The following CTNNBL1 variants were observed in gnomAD, a reference collection of about 807,000 sequenced individuals.
CTNNBL1 encodes beta-catenin-like protein 1.
Under a neutral mutation model 72.7 loss-of-function variants are expected in CTNNBL1, and 31 were observed. The ratio of observed to expected loss-of-function variants is 0.43; its 90% CI spans 0.32 to 0.58. The LOEUF is 0.58. Among genes scored for constraint, CTNNBL1 ranks in the 20% least tolerant of loss-of-function variants. CTNNBL1 has a pLI of 0.08. For missense variants in CTNNBL1, 534 were observed against 725.1 expected (o/e 0.74, Z 3.03); for synonymous variants, 240 against 267.3 (o/e 0.90, Z 1.00).
intron 1 of CTNNBL1, among the ~76,000 whole-genome samples, chr20:37,694,740 A>G (rs544029502): frequency 6.6e-6 from 1 of 152,340 alleles, no homozygotes; most frequent in Admixed American, 6.5e-5. Flanking sequence ...TGGGAATTCT[A>G]GCATGGAATG....
intron 10 of CTNNBL1, among the ~76,000 whole-genome samples, chr20:37,780,032 G>A (rs1463846013): frequency 2.0e-5 from 3 of 151,542 alleles, no homozygotes; most frequent in East Asian, 3.9e-4. Context: ...GAAGGCTGAG[G>A]GGATAACCAG....
intron 13 of CTNNBL1, among the ~76,000 whole-genome samples, chr20:37,852,253 C>T (rs2206135): frequency 0.36 from 55,277 of 152,064 alleles, 10,362 homozygotes; most frequent in South Asian, 0.43. Flanking sequence ...GAAATATTTA[C>T]GACACTTAAG....
intron 11 of CTNNBL1, among the ~76,000 whole-genome samples, chr20:37,809,274 G>T (rs2071988626): frequency 6.6e-6 from 1 of 152,188 alleles, no homozygotes. Context: ...GGGAACACAA[G>T]AACAGAAATG....
intron 1 of CTNNBL1, among the ~76,000 whole-genome samples, chr20:37,720,984 G>A (rs2073035743): frequency 6.6e-6 from 1 of 152,200 alleles, no homozygotes; most frequent in Non-Finnish European, 1.5e-5. Context: ...GACTCTCAAG[G>A]GAGGTGACAT....
chr20:37,829,977 G>A (rs375551048), intron 11 of CTNNBL1, among the ~76,000 whole-genome samples: 12 of 152,190 alleles, frequency 7.9e-5, no homozygotes, highest in East Asian at 5.8e-4. Context: ...GATCACAGGA[G>A]CGTACCACCA....
intron 4 of CTNNBL1, among the ~76,000 whole-genome samples, chr20:37,755,573 G>A (rs927459547): frequency 2.6e-5 from 4 of 152,146 alleles, no homozygotes; most frequent in South Asian, 2.1e-4. Flanking sequence ...TTAATTATTC[G>A]TGATGGTCAG....
chr20:37,719,432 C>T (rs4811030), intron 1 of CTNNBL1, among the ~76,000 whole-genome samples: 121,454 of 152,160 alleles, frequency 0.8, 49,207 homozygotes, highest in African/African-American at 0.95. Context: ...AACCGGAAGG[C>T]TCAATAATCC....
rs753192484 is a variant in CTNNBL1, at chr20:37,802,823, A to G, written c.1032-44A>G. ...CCCTTTTTTTTTTTTAAGCTCTATAATTTCCCCATGAAATACCTTATCTGA... is the reference window on the plus strand; with the variant it reads ...CCCTTTTTTTTTTTTAAGCTCTATAGTTTCCCCATGAAATACCTTATCTGA... On this transcript the variant is annotated intron_variant, in intron 10 of 15. Coordinates refer to ENST00000361383, the MANE Select transcript of CTNNBL1 (RefSeq NM_030877.5). 3.9e-5 allele frequency: 59 copies of G among 1,504,844 alleles called. No homozygotes were observed. In the Admixed American group the frequency reaches 9.7e-4, roughly 25 times the overall value. The allele number at this position is 1,504,844 out of a possible 1,614,324, so 93.2% of individuals were successfully genotyped here.
chr20:37,756,279 C>T (rs1185947767), intron 4 of CTNNBL1: 1 of 152,180 alleles, frequency 6.6e-6, no homozygotes, highest in Non-Finnish European at 1.5e-5. Context: ...ATCTATCTTT[C>T]TCATTTTACA....
intron 10 of CTNNBL1, among the ~76,000 whole-genome samples, chr20:37,802,048 C>A (rs970325931): frequency 6.6e-6 from 1 of 152,086 alleles, no homozygotes; most frequent in Non-Finnish European, 1.5e-5. Context: ...AGTGAGCAAT[C>A]CAAAAATGAA....
At chr20:37,803,195 GA>G in intron 11 of CTNNBL1, 147 bp downstream of exon 11, 2 of 711,716 alleles carry the variant, frequency 2.8e-6, no homozygotes, top group Non-Finnish European at 4.5e-6. Flanking sequence ...TTTCATGAAT[GA>G]AAAAGAGACC....
chr20:37,748,253 A>C (rs1555823982), intron 4 of CTNNBL1, among the ~76,000 whole-genome samples: 2 of 152,254 alleles, frequency 1.3e-5, no homozygotes, highest in Non-Finnish European at 2.9e-5. Context: ...TAAATCAGTG[A>C]GTAATTTTAA....
chr20:37,865,249 G>C (rs1395080806), intron 15 of CTNNBL1, among the ~76,000 whole-genome samples: 1 of 152,178 alleles, frequency 6.6e-6, no homozygotes. Flanking sequence ...TGAGGTGACT[G>C]ACCATAGCGC....
At chr20:37,814,836 T>C (rs1354507954) in intron 11 of CTNNBL1, among the ~76,000 whole-genome samples, 1 of 152,222 alleles carries the variant, frequency 6.6e-6, no homozygotes, top group Non-Finnish European at 1.5e-5. Context: ...AAGCAGCCCT[T>C]TTACTTTCTC....
At chr20:37,806,290 A>G (rs2071959922) in intron 11 of CTNNBL1, among the ~76,000 whole-genome samples, 1 of 152,212 alleles carries the variant, frequency 6.6e-6, no homozygotes, top group Non-Finnish European at 1.5e-5. Flanking sequence ...TCGCCAGTCC[A>G]GAAGCTCTAG....
chr20:37,866,854 C>G (rs1438115591), intron 15 of CTNNBL1, among the ~76,000 whole-genome samples: 1 of 152,186 alleles, frequency 6.6e-6, no homozygotes, highest in Admixed American at 6.5e-5. Context: ...CTAATCCTTT[C>G]GCCTGGAGTT....
intron 4 of CTNNBL1, among the ~76,000 whole-genome samples, chr20:37,748,780 C>G (rs145807610): frequency 6.6e-6 from 1 of 152,138 alleles, no homozygotes; most frequent in East Asian, 1.9e-4. Flanking sequence ...TGAGGGAGCT[C>G]GCTGTGTCTC....
At chr20:37,742,399 A>G (rs535580435) in intron 3 of CTNNBL1, among the ~76,000 whole-genome samples, 1 of 152,286 alleles carries the variant, frequency 6.6e-6, no homozygotes, top group Admixed American at 6.5e-5. Flanking sequence ...TGAATAAGAA[A>G]TTGTCTCTGG....
In CTNNBL1 at chr20:37,760,797, G is replaced by A. The variant is rs1246144417; in HGVS notation, c.564+3141G>A. ...AGGTACTATGCCTGGCAGATATTAA[G>A]CATTTAGCAAATGTCAGGTTAAAAT... On this transcript the variant is annotated intron_variant, in intron 5 of 15. Transcript: ENST00000361383. Among the ~76,000 whole-genome samples the A allele has an allele frequency of 5.3e-5, 8 of 152,200 alleles. No individual in the cohort carries two copies. In the East Asian group the frequency reaches 1.5e-3, roughly 29 times the overall value.
Sources: allele counts gnomAD v4.1 joint callset (sites outside exome capture counted in the v4.1 genomes callset), GRCh38; gene constraint gnomAD v4.1.1; transcripts MANE v1.5; gene names NCBI Gene and HGNC (gene_info 2026-07-23, HGNC 2026-07-21).